The following TBCD variants were observed in gnomAD, a reference collection of about 807,000 sequenced individuals.
TBCD encodes tubulin-specific chaperone D.
TBCD carries 105 observed loss-of-function variants against 169.3 expected under a neutral mutation model. That is an observed-to-expected ratio of 0.62 (90% CI 0.53 to 0.73). The LOEUF (loss-of-function observed/expected upper bound fraction) is 0.73. Among genes scored for constraint, TBCD ranks in the 30% least tolerant of loss-of-function variants. TBCD has a pLI of 0.00. For synonymous variants in TBCD, 700 were observed against 643.9 expected (o/e 1.09, Z -1.32); for missense variants, 1,444 against 1,600.1 (o/e 0.90, Z 1.66).
chr17:82,893,230 C>G (rs891110160), intron 16 of TBCD: 154 of 371,288 alleles, frequency 4.1e-4, no homozygotes, highest in African/African-American at 2.8e-3. Context: ...GACCTGAAGA[C>G]CGTTTACGGT....
Position 82,907,776 on chromosome 17 carries a change from T to C in TBCD, c.1938T>C (p.His646=). The change falls in exon 21 of 39, where the codon CAT becomes CAC. Residue 646 remains histidine, a synonymous_variant. Transcript: ENST00000355528. ...AAQENRPVTD[H]LDEQAVQGLK... Reference sequence around the variant, plus strand: ...ACTTCTGCAGGCCCGTCACGGACCATCTGGACGAGCAGGCAGTGCAGGGCC... The same window carrying C: ...ACTTCTGCAGGCCCGTCACGGACCACCTGGACGAGCAGGCAGTGCAGGGCC... The C allele has an allele frequency of 6.2e-7, 1 of 1,613,804 alleles. No homozygotes were observed. The highest frequency in any genetic ancestry group is 8.5e-7 in the Non-Finnish European group (1 of 1,179,802).
intron 37 of TBCD, among the ~76,000 whole-genome samples, chr17:82,940,219 G>GCACACACACACACA (rs1422867605): frequency 0.11 from 9,953 of 94,210 alleles, 355 homozygotes; most frequent in South Asian, 0.16. Context: ...ACTTGCACGC[G>GCACACACACACACA]CGCACACACA....
Position 82,923,833 on chromosome 17 carries a change from C to A in TBCD, c.2260+100C>A. ...AGGAGGCCTCGGTTGTGCAGTGGAG[C>A]AGAGCCACCACGATCATGGCTGGAG... On this transcript the variant is annotated intron_variant, in intron 26 of 38. Coordinates refer to ENST00000355528, the MANE Select transcript of TBCD (RefSeq NM_005993.5). This position sits in a 1 kb window ranked among gnomAD's most constrained non-coding sequence, Gnocchi z 4.6. 1.1e-6 allele frequency: 1 copy of A among 931,116 alleles called. No individual in the cohort carries two copies. Among genetic ancestry groups the A allele is most frequent in the Non-Finnish European group, 1.6e-6 (1 of 618,222 alleles). The allele number at this position is 931,116 out of a possible 1,614,324, so 57.7% of individuals were successfully genotyped here. A position where few individuals can be genotyped will look rare whatever the true frequency, so the allele number is the denominator to read the frequency against.
intron 13 of TBCD, chr17:82,830,291 T>A: frequency 1.2e-6 from 2 of 1,614,224 alleles, no homozygotes; most frequent in Non-Finnish European, 1.7e-6. Flanking sequence ...GCCTCTTGGC[T>A]CTCCATGGAG....
At position 82,787,226 on chromosome 17, in the gene TBCD, C is replaced by T. The variant is rs141930841; in HGVS notation, c.771+5505C>T. ...TGCCGTTTAGGGCAGAGCACCCAGG[C>T]GGTTTGGCAGCAGCACCTCAGAACT... On this transcript the variant is annotated intron_variant, in intron 7 of 38. Transcript: ENST00000355528. Among the ~76,000 whole-genome samples, 152 of 152,318 alleles carry T rather than the reference C, an allele frequency of 1.0e-3. 1 individual carries two copies. The highest frequency in any genetic ancestry group is 2.9e-3 in the African/African-American group (120 of 41,576).
intron 14 of TBCD, among the ~76,000 whole-genome samples, chr17:82,883,175 A>G (rs761914798): frequency 3.4e-4 from 52 of 152,360 alleles, no homozygotes; most frequent in Non-Finnish European, 3.5e-4. Flanking sequence ...AGGTCTGTCA[A>G]CTTCCCTGGA....
chr17:82,834,199 T>TAG (rs1284190450), intron 13 of TBCD, among the ~76,000 whole-genome samples: 2 of 152,064 alleles, frequency 1.3e-5, no homozygotes, highest in African/African-American at 4.8e-5. Flanking sequence ...CCACCTGCCT[T>TAG]AGCCTCCCAA....
chr17:82,862,011 C>G (rs2056808437), intron 13 of TBCD, among the ~76,000 whole-genome samples: 1 of 152,010 alleles, frequency 6.6e-6, no homozygotes, highest in African/African-American at 2.4e-5. Flanking sequence ...CAACCTCCGC[C>G]TCCCAGGTTC....
intron 14 of TBCD, among the ~76,000 whole-genome samples, chr17:82,871,420 G>A (rs2145982692): frequency 1.3e-5 from 2 of 152,346 alleles, no homozygotes; most frequent in East Asian, 3.9e-4. Context: ...TCCGTCATGG[G>A]TGTGTGAGCC....
chr17:82,828,612 G>A (rs1008527195), intron 13 of TBCD, among the ~76,000 whole-genome samples: 14 of 146,440 alleles, frequency 9.6e-5, no homozygotes, highest in East Asian at 2.1e-4. Flanking sequence ...CCGCAGGTAC[G>A]CACACATGCA....
At chr17:82,871,823 C>T (rs2057584548) in intron 14 of TBCD, among the ~76,000 whole-genome samples, 4 of 152,348 alleles carry the variant, frequency 2.6e-5, no homozygotes, top group Admixed American at 2.0e-4. Context: ...GGGGCTTCGT[C>T]TTTTGGACGT....
chr17:82,891,936 A>T (rs1180456791), intron 16 of TBCD, among the ~76,000 whole-genome samples: 1 of 152,120 alleles, frequency 6.6e-6, no homozygotes, highest in African/African-American at 2.4e-5. Flanking sequence ...CCTGTCCGAC[A>T]TTCCAGCCCT....
intron 14 of TBCD, among the ~76,000 whole-genome samples, chr17:82,872,903 G>C (rs960511021): frequency 3.4e-5 from 4 of 118,508 alleles, no homozygotes; most frequent in African/African-American, 1.0e-4. Context: ...CGGCTTCTGA[G>C]CCAGGCCCGG....
At chr17:82,865,663 G>T in intron 13 of TBCD, 1 of 511,274 alleles carries the variant, frequency 2.0e-6, no homozygotes, top group Non-Finnish European at 2.5e-6. Context: ...TTTATGCCTG[G>T]CAGTGATGTT....
chr17:82,856,823 C>T (rs1394200984), intron 13 of TBCD, among the ~76,000 whole-genome samples: 4 of 132,102 alleles, frequency 3.0e-5, no homozygotes, highest in Non-Finnish European at 6.4e-5. Flanking sequence ...ATCGCTGGAC[C>T]GCGTGCGGAC....
At chr17:82,905,546 C>A (rs7221220) in intron 19 of TBCD, among the ~76,000 whole-genome samples, 4 of 106,788 alleles carry the variant, frequency 3.7e-5, no homozygotes, top group East Asian at 5.9e-4. Context: ...TCCCACAGGT[C>A]GTCCGTGTGT....
At chr17:82,941,892 C>A (rs886855212) in intron 38 of TBCD, 1 of 200,144 alleles carries the variant, frequency 5.0e-6, no homozygotes, top group Non-Finnish European at 9.6e-6. Context: ...CCTCACCAGC[C>A]CGTCACTCTT....
At chr17:82,818,855 C>G (rs1434488757) in intron 13 of TBCD, among the ~76,000 whole-genome samples, 1 of 152,116 alleles carries the variant, frequency 6.6e-6, no homozygotes, top group Non-Finnish European at 1.5e-5. Context: ...TCACCTGAGG[C>G]CAGGAGTTCG....
At chr17:82,885,823 G>T (rs1341206232) in intron 15 of TBCD, among the ~76,000 whole-genome samples, 1 of 152,122 alleles carries the variant, frequency 6.6e-6, no homozygotes, top group East Asian at 1.9e-4. Context: ...ACCACCGAGT[G>T]CACCTAGCTT....
Sources: allele counts gnomAD v4.1 joint callset (sites outside exome capture counted in the v4.1 genomes callset), GRCh38; gene constraint gnomAD v4.1.1; non-coding constraint Gnocchi (gnomAD v3.1); transcripts MANE v1.5; gene names NCBI Gene and HGNC (gene_info 2026-07-23, HGNC 2026-07-21).